Variants in DDAH1 observed in about 807,000 individuals in gnomAD.
DDAH1 encodes N(G),N(G)-dimethylarginine dimethylaminohydrolase 1.
Under a neutral mutation model 28.8 loss-of-function variants are expected in DDAH1, and 19 were observed. The observed-to-expected ratio is 0.66, with a 90% confidence interval of 0.46 to 0.97. DDAH1 has a LOEUF of 0.97. DDAH1 is among the 50% of genes least tolerant of loss of function. DDAH1 has a pLI of 0.00. For synonymous variants in DDAH1, 153 were observed against 154.4 expected, an observed-to-expected ratio of 0.99 and a Z score of 0.07; for missense variants, 326 against 375.9, an observed-to-expected ratio of 0.87 and a Z score of 1.10.
chr1:85,407,292 G>GA (rs1425280665), intron 1 of DDAH1, among the ~76,000 whole-genome samples: 2 of 152,222 alleles, frequency 1.3e-5, no homozygotes, highest in South Asian at 2.1e-4. Context: ...CAGTATGCTT[G>GA]AAAAAATCTC....
intron 1 of DDAH1, among the ~76,000 whole-genome samples, chr1:85,510,444 A>C (rs1657182892): frequency 6.6e-6 from 1 of 152,216 alleles, no homozygotes; most frequent in African/African-American, 2.4e-5. Flanking sequence ...GCATCAATTA[A>C]TGGGCAAAAT....
intron 1 of DDAH1, among the ~76,000 whole-genome samples, chr1:85,500,163 C>CTTTCTTTCTTTCTCTT (rs1553142453): frequency 4.0e-5 from 2 of 50,094 alleles, no homozygotes; most frequent in African/African-American, 1.2e-4. Flanking sequence ...TTCTTTCTTT[C>CTTTCTTTCTTTCTCTT]TCTTTTTTCC....
intron 1 of DDAH1, among the ~76,000 whole-genome samples, chr1:85,551,999 T>C (rs1018282396): frequency 6.6e-6 from 1 of 152,184 alleles, no homozygotes; most frequent in Non-Finnish European, 1.5e-5. Context: ...GGCTGAGGCA[T>C]AGATTCACTG....
intron 3 of DDAH1, 22 bp downstream of exon 3, chr1:85,351,484 G>A (rs371245156): frequency 1.8e-5 from 29 of 1,595,912 alleles, no homozygotes; most frequent in African/African-American, 9.4e-5. Context: ...TTTGTGCCAG[G>A]CATAAACTAC....
intron 1 of DDAH1, among the ~76,000 whole-genome samples, chr1:85,409,542 C>T (rs1277105119): frequency 6.6e-6 from 1 of 152,116 alleles, no homozygotes; most frequent in Non-Finnish European, 1.5e-5. Flanking sequence ...CTACGTCACA[C>T]TTCTATGCTT....
intron 1 of DDAH1, among the ~76,000 whole-genome samples, chr1:85,369,379 T>C (rs1460731447): frequency 6.6e-6 from 1 of 152,090 alleles, no homozygotes; most frequent in Non-Finnish European, 1.5e-5. Flanking sequence ...TCTGGAAATG[T>C]TATAAACAAG....
intron 1 of DDAH1, among the ~76,000 whole-genome samples, chr1:85,417,739 G>C (rs1652947214): frequency 6.6e-6 from 1 of 152,054 alleles, no homozygotes; most frequent in Non-Finnish European, 1.5e-5. Flanking sequence ...CCTCTCTAAT[G>C]CCCAAATAGT....
At chr1:85,369,145 C>T (rs1650240585) in intron 1 of DDAH1, among the ~76,000 whole-genome samples, 1 of 148,176 alleles carries the variant, frequency 6.7e-6, no homozygotes, top group South Asian at 2.2e-4. Context: ...ACTGCAGCCT[C>T]AACCTCCCTG....
In DDAH1 at chr1:85,480,742, T is replaced by A. The variant is rs536248501; in HGVS notation, c.-7+15424A>T. Among the ~76,000 whole-genome samples, 3 of 151,992 alleles carry A rather than the reference T, an allele frequency of 2.0e-5. No homozygotes were observed. In the South Asian group the frequency reaches 6.2e-4, roughly 32 times the overall value. ...CTGGGCGATAGAGCAAGACTCTGTC[T>A]CAAAAATAAATAAATAAATTAATTA... On this transcript the variant is annotated intron_variant, in intron 2 of 6. Transcript: ENST00000426972.
intron 2 of DDAH1, among the ~76,000 whole-genome samples, chr1:85,492,223 G>A (rs1340311585): frequency 6.6e-6 from 1 of 152,108 alleles, no homozygotes; most frequent in Non-Finnish European, 1.5e-5. Context: ...GCTTTTGTGT[G>A]TGTAATAAGA....
intron 1 of DDAH1, among the ~76,000 whole-genome samples, chr1:85,402,457 T>G (rs1315249835): frequency 6.6e-6 from 1 of 152,198 alleles, no homozygotes; most frequent in African/African-American, 2.4e-5. Flanking sequence ...AAAAATATTT[T>G]CAGTACAAAT....
intron 1 of DDAH1, chr1:85,399,389 T>C (rs1651965444): frequency 6.6e-6 from 1 of 152,210 alleles, no homozygotes; most frequent in Non-Finnish European, 1.5e-5. Context: ...AAACCCAGCA[T>C]GATAATAAGA....
intron 1 of DDAH1, among the ~76,000 whole-genome samples, chr1:85,383,147 T>A (rs12047422): frequency 6.6e-6 from 1 of 152,108 alleles, no homozygotes; most frequent in Non-Finnish European, 1.5e-5. Context: ...CTGATGAATC[T>A]GGGCAAAATA....
At chr1:85,498,100 T>C (rs1037754053) in intron 1 of DDAH1, among the ~76,000 whole-genome samples, 6 of 152,248 alleles carry the variant, frequency 3.9e-5, no homozygotes, top group African/African-American at 1.4e-4. Flanking sequence ...TAAAGTGGTT[T>C]CATTCTCCCC....
At chr1:85,361,238 A>G (rs1649780175) in intron 1 of DDAH1, among the ~76,000 whole-genome samples, 1 of 152,230 alleles carries the variant, frequency 6.6e-6, no homozygotes, top group African/African-American at 2.4e-5. Context: ...ATAGCAAGCC[A>G]GCTATTCAGG....
chr1:85,378,356 A>G (rs562393743), intron 1 of DDAH1, among the ~76,000 whole-genome samples: 2 of 152,326 alleles, frequency 1.3e-5, no homozygotes, highest in Non-Finnish European at 2.9e-5. Flanking sequence ...AGAAGGCAGA[A>G]AAAGTAATAG....
At position 85,464,402 on chromosome 1, in the gene DDAH1, C is replaced by T. The variant is rs2100693790; in HGVS notation, c.303+341G>A. 8.0e-7 allele frequency: 1 copy of T among 1,246,480 alleles called. No homozygotes were observed. 77.2% of individuals were successfully genotyped at this position (1,246,480 alleles called of 1,614,324 possible). Reference sequence around the variant, plus strand: ...GGAGCGGCACCCCTCGCGGCCCTCGCTCCCTGGGAAACACTCAGAGTTGCA... The same window carrying T: ...GGAGCGGCACCCCTCGCGGCCCTCGTTCCCTGGGAAACACTCAGAGTTGCA... On this transcript the variant is annotated intron_variant, in intron 1 of 5. Coordinates refer to ENST00000284031, the MANE Select transcript of DDAH1 (RefSeq NM_012137.4). The surrounding 1 kb of genome is among the most constrained non-coding windows in gnomAD (Gnocchi z 4.4).
At chr1:85,394,053 A>G (rs915080079) in intron 1 of DDAH1, among the ~76,000 whole-genome samples, 1 of 152,222 alleles carries the variant, frequency 6.6e-6, no homozygotes, top group African/African-American at 2.4e-5. Flanking sequence ...AAGAAAAAGT[A>G]AGTGACAAAA....
At chr1:85,489,332 A>C (rs1486424249) in intron 2 of DDAH1, among the ~76,000 whole-genome samples, 1 of 152,216 alleles carries the variant, frequency 6.6e-6, no homozygotes, top group Non-Finnish European at 1.5e-5. Context: ...AGACAGAGTA[A>C]ATGTCTGTAA....
Sources: gnomAD v4.1 joint callset for allele counts (sites outside exome capture counted in the v4.1 genomes callset) on GRCh38, gnomAD v4.1.1 for gene constraint, Gnocchi (gnomAD v3.1) non-coding constraint, MANE v1.5 for transcripts, NCBI Gene and HGNC (gene_info 2026-07-23, HGNC 2026-07-21) for gene names.